Variants in N4BP1 observed in about 807,000 individuals in gnomAD.
N4BP1 encodes the protein NEDD4 binding protein 1, also known as NEDD4-binding protein 1.
A neutral mutation model predicts 70.9 loss-of-function variants in N4BP1; 21 were observed. That is an observed-to-expected ratio of 0.30 (90% CI 0.21 to 0.43). The LOEUF is 0.43. N4BP1 is among the 20% of genes least tolerant of loss of function. The probability of loss-of-function intolerance (pLI) is 1.00; values close to 1 mark genes in which losing one functional copy is unlikely to be tolerated. For missense variants in N4BP1, 936 were observed against 1,069.4 expected (o/e 0.88, Z 1.74); for synonymous variants, 387 against 394.6 (o/e 0.98, Z 0.23).
intron 1 of N4BP1, among the ~76,000 whole-genome samples, chr16:48,604,170 T>A (rs1423360117): frequency 6.6e-6 from 1 of 152,236 alleles, no homozygotes; most frequent in Non-Finnish European, 1.5e-5. Context: ...CCCACTATTT[T>A]GGAGCTCTTG....
intron 1 of N4BP1, among the ~76,000 whole-genome samples, chr16:48,601,710 G>GT (rs554407984): frequency 1.2e-5 from 1 of 82,222 alleles, no homozygotes; most frequent in Non-Finnish European, 2.7e-5. Context: ...GTTTTTTGTG[G>GT]TTTTTTTTGG....
At chr16:48,551,350 C>G (rs771654575) in intron 4 of N4BP1, 36 bp downstream of exon 4, 6 of 1,566,782 alleles carry the variant, frequency 3.8e-6, no homozygotes, top group Non-Finnish European at 5.3e-6. Flanking sequence ...CTCACCACCC[C>G]ACTCCAACCT....
chr16:48,556,565 T>C (rs1963757884), intron 2 of N4BP1, among the ~76,000 whole-genome samples: 1 of 152,196 alleles, frequency 6.6e-6, no homozygotes, highest in Non-Finnish European at 1.5e-5. Context: ...AGGCCAGGTG[T>C]CCAGGCCCTC....
intron 1 of N4BP1, among the ~76,000 whole-genome samples, chr16:48,574,123 AG>A (rs1271191429): frequency 1.3e-5 from 2 of 152,240 alleles, no homozygotes. Flanking sequence ...AGTTGCCTCT[AG>A]GAAGTTAGGG....
intron 1 of N4BP1, among the ~76,000 whole-genome samples, chr16:48,574,381 G>A (rs1964063676): frequency 1.3e-5 from 2 of 152,148 alleles, no homozygotes; most frequent in Non-Finnish European, 2.9e-5. Context: ...GAAATATTGA[G>A]TAATTCATCC....
At chr16:48,562,471 T>C in intron 1 of N4BP1, 27 bp from the exon 2 acceptor site, 1 of 1,547,312 alleles carries the variant, frequency 6.5e-7, no homozygotes, top group Non-Finnish European at 8.7e-7. Context: ...AGAAATTAGG[T>C]CAATTTACAA....
At position 48,553,610 on chromosome 16, in the gene N4BP1, C is replaced by T; in HGVS notation, c.1949G>A (p.Trp650Ter). ...AGTGATGTTTCTGTTGCCAAGCTTC[C>T]AAAAATATTCAACTGCAATTGCAAT... ...RGIAIAVEYF[W>*]KLGNRNITVF... The change falls in exon 3 of 7, where the codon TGG becomes TAG. Residue 650 changes from tryptophan to a stop codon, truncating the protein, a stop_gained. Coordinates refer to ENST00000262384, the MANE Select transcript of N4BP1 (RefSeq NM_153029.4). LOFTEE classifies it high-confidence loss of function. 1 of 1,603,482 alleles carries T rather than the reference C, an allele frequency of 6.2e-7. No individual in the cohort carries two copies. Among genetic ancestry groups the T allele is most frequent in the South Asian group, 1.1e-5 (1 of 88,376 alleles).
chr16:48,598,655 T>C (rs1039042233), intron 1 of N4BP1, among the ~76,000 whole-genome samples: 5 of 152,096 alleles, frequency 3.3e-5, no homozygotes, highest in Admixed American at 2.6e-4. Flanking sequence ...AAGGCAAAGA[T>C]TACAATGAGA....
rs1263455613 is a variant in N4BP1 at position 48,546,251 on chromosome 16, C to T, written c.2229G>A (p.Leu743=). 3.7e-6 allele frequency: 6 copies of T among 1,604,642 alleles called. No homozygotes were observed. The highest frequency in any genetic ancestry group is 5.1e-6 in the Non-Finnish European group (6 of 1,175,638). ...TGTCCCCCACGAACGTGTACTGCAGCAGCCTACAACACAGAACACCATGAG... is the reference window on the plus strand; with the variant it reads ...TGTCCCCCACGAACGTGTACTGCAGTAGCCTACAACACAGAACACCATGAG... ...VSWREIITKR[L]LQYTFVGDIF... The change falls in exon 6 of 7, where the codon CTG becomes CTA. Residue 743 remains leucine, a synonymous_variant. Transcript: ENST00000262384.
intron 1 of N4BP1, among the ~76,000 whole-genome samples, chr16:48,585,526 T>G (rs1374264208): frequency 6.6e-6 from 1 of 151,532 alleles, no homozygotes; most frequent in African/African-American, 2.4e-5. Flanking sequence ...TAAATAAAAT[T>G]ATAATAGTAA....
At chr16:48,574,919 G>A (rs1964070314) in intron 1 of N4BP1, among the ~76,000 whole-genome samples, 1 of 152,170 alleles carries the variant, frequency 6.6e-6, no homozygotes, top group East Asian at 1.9e-4. Context: ...TGGCAAGACT[G>A]GCAGAGAAAG....
intron 1 of N4BP1, among the ~76,000 whole-genome samples, chr16:48,564,528 T>C (rs1164203456): frequency 1.3e-5 from 2 of 152,246 alleles, no homozygotes; most frequent in Non-Finnish European, 2.9e-5. Flanking sequence ...TGTGTAAATC[T>C]ATCCCTTCAT....
At chr16:48,605,194 G>A (rs921168448) in intron 1 of N4BP1, among the ~76,000 whole-genome samples, 3 of 151,976 alleles carry the variant, frequency 2.0e-5, no homozygotes, top group Non-Finnish European at 4.4e-5. Flanking sequence ...CACCCCACCT[G>A]GCTAATTTTG....
intron 1 of N4BP1, among the ~76,000 whole-genome samples, chr16:48,595,089 A>G (rs1256113913): frequency 6.6e-6 from 1 of 152,214 alleles, no homozygotes; most frequent in African/African-American, 2.4e-5. Context: ...GCAGAACAGG[A>G]GTTAACTGAA....
intron 1 of N4BP1, among the ~76,000 whole-genome samples, chr16:48,563,979 G>A (rs1963900154): frequency 6.6e-6 from 1 of 152,118 alleles, no homozygotes; most frequent in African/African-American, 2.4e-5. Context: ...ACAGTGATAT[G>A]GAACACTAGA....
chr16:48,559,728 G>A (rs955672342), intron 2 of N4BP1: 3 of 152,142 alleles, frequency 2.0e-5, no homozygotes, highest in African/African-American at 7.2e-5. Context: ...GTTTCTGCAG[G>A]GCAATTCCCT....
intron 1 of N4BP1, among the ~76,000 whole-genome samples, chr16:48,590,495 T>C (rs997841661): frequency 2.0e-5 from 3 of 152,230 alleles, no homozygotes; most frequent in Admixed American, 6.5e-5. Flanking sequence ...GGTTACAAAT[T>C]TGGAGGCTTG....
At chr16:48,545,129 T>C (rs528624126) in intron 6 of N4BP1, among the ~76,000 whole-genome samples, 52 of 152,034 alleles carry the variant, frequency 3.4e-4, no homozygotes, top group Admixed American at 1.4e-3. Flanking sequence ...CACACCCAGC[T>C]AATTTTTGCA....
chr16:48,551,672 A>G (rs1249519709), intron 3 of N4BP1, among the ~76,000 whole-genome samples, 190 bp from the exon 4 acceptor site: 2 of 152,152 alleles, frequency 1.3e-5, no homozygotes, highest in African/African-American at 4.8e-5. Flanking sequence ...CAAAAACAAC[A>G]TATGAACTAA....
Sources: allele counts gnomAD v4.1 joint callset (sites outside exome capture counted in the v4.1 genomes callset), GRCh38; gene constraint gnomAD v4.1.1; transcripts MANE v1.5; gene names NCBI Gene and HGNC (gene_info 2026-07-23, HGNC 2026-07-21).